Variants in ZNF318 observed in about 807,000 individuals in gnomAD.
The protein encoded by ZNF318 is zinc finger protein 318.
A neutral mutation model predicts 124.2 loss-of-function variants in ZNF318; 51 were observed. That is an observed-to-expected ratio of 0.41 (90% CI 0.33 to 0.52). ZNF318 has a LOEUF of 0.52. Among genes scored for constraint, ZNF318 ranks in the 20% least tolerant of loss-of-function variants. The probability of loss-of-function intolerance (pLI) is 0.23; values close to 1 mark genes in which losing one functional copy is unlikely to be tolerated. For missense variants in ZNF318, 2,815 were observed against 2,811.2 expected, an observed-to-expected ratio of 1.00 and a Z score of -0.03; for synonymous variants, 1,090 against 1,040.7, an observed-to-expected ratio of 1.05 and a Z score of -0.91.
rs1222882219 is a variant in ZNF318 at position 43,357,550 on chromosome 6, T to A, written c.764A>T (p.Glu255Val). Residue 255 changes from glutamate (E) to valine (V), a missense_variant, in exon 3 of 10, where the codon GAA becomes GTA. Around this residue, in one of 4 missense-constraint regions of ZNF318, gnomAD observed 1,377 missense variants for 1,353.5 expected, o/e 1.02. Coordinates refer to ENST00000361428, the MANE Select transcript of ZNF318 (RefSeq NM_014345.3). ...TCGTATGGAGTAGCCTTTGAGTTTT[T>A]CTCGATTCCGTTCTGTTCCCCGCAA... ...ELLRGTERNR[E>V]KLKGYSIRSE... is the part of the protein sequence containing the mutation. The A allele has an allele frequency of 1.9e-6, 3 of 1,614,170 alleles. No individual in the cohort carries two copies. The South Asian group carries it at 3.3e-5, about 18-fold the overall frequency.
intron 6 of ZNF318, 39 bp downstream of exon 6, chr6:43,348,285 A>G (rs3734683): frequency 0.097 from 151,010 of 1,552,234 alleles, 7,966 homozygotes; most frequent in Admixed American, 0.18. Context: ...AGTCTAAGGG[A>G]AAAAAAAGAT....
rs1439686790 is a variant in ZNF318, at chr6:43,354,685, G to T, written c.2649C>A (p.Asn883Lys). 6.2e-7 allele frequency: 1 copy of T among 1,609,524 alleles called. No homozygotes were observed. Residue 883 changes from asparagine to lysine, a missense_variant, in exon 4 of 10, where the codon AAC (asparagine) becomes AAA (lysine). Coordinates refer to ENST00000361428, the MANE Select transcript of ZNF318 (RefSeq NM_014345.3). ...YNPEKISDEK[N>K]RASQKQKVIE... is the part of the protein sequence containing the mutation. ...TCACCTTTTGCTTCTGGGAAGCACG[G>T]TTCTTCTCATCAGAGATCTTCTCTG...
chr6:43,340,602 G>A, intron 9 of ZNF318, 100 bp from the exon 10 acceptor site: 1 of 1,493,584 alleles, frequency 6.7e-7, no homozygotes, highest in East Asian at 2.4e-5. Flanking sequence ...GAAATCCCCA[G>A]AATTATCTTC....
In ZNF318 at chr6:43,369,287, G is replaced by C; in HGVS notation, c.79C>G (p.Arg27Gly). The change falls in exon 1 of 10, where the codon CGC (arginine) becomes GGC (glycine). Residue 27 changes from arginine to glycine, a missense_variant. Coordinates refer to ENST00000361428, the MANE Select transcript of ZNF318 (RefSeq NM_014345.3). Reference sequence around the variant, plus strand: ...GGGCCTGAGGAGGAGCCAGAGCTGCGGCCGCTGCGCGGGCCGCCCCCGCCG... The same window carrying C: ...GGGCCTGAGGAGGAGCCAGAGCTGCCGCCGCTGCGCGGGCCGCCCCCGCCG... ...DDGGGGPRSG[R>G]SSGSSSGPAR... 7.5e-7 allele frequency: 1 copy of C among 1,336,056 alleles called. No homozygotes were observed. The highest frequency in any genetic ancestry group is 9.6e-7 in the Non-Finnish European group (1 of 1,038,102). The allele number at this position is 1,336,056 out of a possible 1,614,324, so 82.8% of individuals were successfully genotyped here.
intron 2 of ZNF318, among the ~76,000 whole-genome samples, chr6:43,357,988 G>C (rs1248550809): frequency 1.3e-5 from 2 of 152,076 alleles, no homozygotes; most frequent in African/African-American, 2.4e-5. Flanking sequence ...AGATCTCTTG[G>C]GTAATTTCTC....
rs143146213 is a variant in ZNF318, at chr6:43,340,099, A to T, written c.3899T>A (p.Ile1300Asn). The change falls in exon 10 of 10, where the codon ATT becomes AAT. Residue 1300 changes from isoleucine to asparagine, a missense_variant. Transcript: ENST00000361428. ...CTCTTTGTCCTTACTACTTTCTAGA[A>T]TCTCTTCTTTAGAGATACTTGGGGT... ...LVTPSISKEE[I>N]LESSKDKEDG... The T allele has an allele frequency of 1.6e-5, 26 of 1,614,042 alleles. No individual in the cohort carries two copies. Among genetic ancestry groups the T allele is most frequent in the Non-Finnish European group, 2.2e-5 (26 of 1,180,026 alleles).
In ZNF318 at chr6:43,337,983, G is replaced by C; in HGVS notation, c.6015C>G (p.Asp2005Glu). 3 of 1,614,156 alleles carry C rather than the reference G, an allele frequency of 1.9e-6. No homozygotes were observed. The highest frequency in any genetic ancestry group is 2.5e-6 in the Non-Finnish European group (3 of 1,180,022). Reference protein sequence around the residue: ...SKALEDFEATDLKVEELTALG... With the variant: ...SKALEDFEATELKVEELTALG... ...GGGCAGTAAGCTCCTCTACCTTTAA[G>C]TCTGTAGCTTCAAAGTCTTCTAGGG... The change falls in exon 10 of 10, where the codon GAC becomes GAG. Residue 2005 changes from aspartate (D) to glutamate (E), a missense_variant. Around this residue, in one of 4 missense-constraint regions of ZNF318, gnomAD observed 927 missense variants for 820.6 expected, o/e 1.13. Transcript: ENST00000361428.
intron 6 of ZNF318, among the ~76,000 whole-genome samples, chr6:43,347,763 A>G (rs1779466346): frequency 6.6e-6 from 1 of 152,188 alleles, no homozygotes; most frequent in Non-Finnish European, 1.5e-5. Flanking sequence ...CCTAGGAAGA[A>G]AGAGCAAATT....
rs1399395311 is a variant in ZNF318, at chr6:43,357,492, G to A, written c.822C>T (p.Pro274=). ...SEERSREAKR[P]RYDDTVKINS... is the part of the protein sequence containing the mutation. ...TTATCTTCACTGTGTCATCATAACG[G>A]GGTCTTTTGGCCTCCCGGCTCCTTT... The change falls in exon 3 of 10, where the codon CCC becomes CCT. Residue 274 remains proline (P), a synonymous_variant. Transcript: ENST00000361428. 6.2e-7 allele frequency: 1 copy of A among 1,614,014 alleles called. No homozygotes were observed. Among genetic ancestry groups the A allele is most frequent in the East Asian group, 2.2e-5 (1 of 44,900 alleles).
intron 5 of ZNF318, among the ~76,000 whole-genome samples, chr6:43,352,145 AATC>A (rs3078977): frequency 0.051 from 5,994 of 116,794 alleles, 275 homozygotes; most frequent in South Asian, 0.063. Flanking sequence ...CTTCGTCTCA[AATC>A]ATCATCATCA....
chr6:43,360,262 G>A (rs1380912877), intron 2 of ZNF318, among the ~76,000 whole-genome samples: 1 of 152,080 alleles, frequency 6.6e-6, no homozygotes, highest in Non-Finnish European at 1.5e-5. Context: ...ACAGAAAAAA[G>A]GCATAAAAAC....
In ZNF318 at chr6:43,337,758, C is replaced by A. The variant is rs1779305985; in HGVS notation, c.6240G>T (p.Val2080=). The A allele has an allele frequency of 6.2e-7, 1 of 1,614,068 alleles. No individual in the cohort carries two copies. ...GFPLDSPKTL[V]LDFETEGERN... ...GTTCACCCTCTGTCTCAAAGTCAAGCACCAAGGTTTTGGGAGAATCTAACG... is the reference window on the plus strand; with the variant it reads ...GTTCACCCTCTGTCTCAAAGTCAAGAACCAAGGTTTTGGGAGAATCTAACG... The change falls in exon 10 of 10, where the codon GTG becomes GTT. Residue 2080 remains valine, a synonymous_variant. Coordinates refer to ENST00000361428, the MANE Select transcript of ZNF318 (RefSeq NM_014345.3).
rs770873102 is a variant in ZNF318, at chr6:43,338,287, AAAC to A, written c.5708_5710del (p.Cys1903del). On this transcript the variant is annotated inframe_deletion, in exon 10 of 10. Transcript: ENST00000361428. ...TCCTTGCTCTTGTGGACTACCTGTT[AAAC>A]ACATAGCTGATCTGGCTGGGGAATG... 3.1e-6 allele frequency: 5 copies of A among 1,614,220 alleles called. No individual in the cohort carries two copies. Among genetic ancestry groups the A allele is most frequent in the Non-Finnish European group, 4.2e-6 (5 of 1,180,032 alleles).
At chr6:43,343,434 A>G (rs191879245) in intron 6 of ZNF318, among the ~76,000 whole-genome samples, 27 of 152,326 alleles carry the variant, frequency 1.8e-4, no homozygotes, top group African/African-American at 6.3e-4. Flanking sequence ...TAGATAAAGT[A>G]GACTATACAA....
chr6:43,350,352 T>C (rs187938374), intron 5 of ZNF318, among the ~76,000 whole-genome samples: 1 of 152,240 alleles, frequency 6.6e-6, no homozygotes, highest in Admixed American at 6.5e-5. Context: ...ATTGGCCAAA[T>C]TTGGAACAAT....
Position 43,339,455 on chromosome 6 carries a change from A to C in ZNF318, c.4543T>G (p.Ser1515Ala). Residue 1515 changes from serine to alanine, a missense_variant, in exon 10 of 10, where the codon TCT (serine) becomes GCT (alanine). Around this residue, in one of 4 missense-constraint regions of ZNF318, gnomAD observed 500 missense variants for 605.2 expected, o/e 0.83. Transcript: ENST00000361428. The surrounding 1 kb of genome is among the most constrained non-coding windows in gnomAD (Gnocchi z 4.2). ...CTCACCCCAGGAGCTGTCTCATCAG[A>C]AGGAATGGCAGCTGGCTGTGCTGAG... ...MASAQPAAIP[S>A]DETAPGVSES... 1 of 1,613,746 alleles carries C rather than the reference A, an allele frequency of 6.2e-7. No individual in the cohort carries two copies. The highest frequency in any genetic ancestry group is 1.7e-5 in the Admixed American group (1 of 59,984).
chr6:43,340,792 T>C lies in ZNF318; in HGVS notation c.3493A>G (p.Lys1165Glu). 6.2e-7 allele frequency: 1 copy of C among 1,611,366 alleles called. No homozygotes were observed. Among genetic ancestry groups the C allele is most frequent in the Non-Finnish European group, 8.5e-7 (1 of 1,177,414 alleles). The change falls in exon 9 of 10, where the codon AAG becomes GAG. Residue 1165 changes from lysine to glutamate, a missense_variant and splice_region_variant. Transcript: ENST00000361428. Reference protein sequence around the residue: ...VKGHQHNEKYKKYVDENPLYE... With the variant: ...VKGHQHNEKYEKYVDENPLYE... ...CACAGCCTACTACAAAGACCAACCT[T>C]GTATTTCTCATTGTGTTGGTGACCC... is the stretch of plus-strand genomic sequence containing the variant.
chr6:43,361,688 T>C (rs767133112), intron 2 of ZNF318, among the ~76,000 whole-genome samples: 7 of 152,240 alleles, frequency 4.6e-5, no homozygotes, highest in Non-Finnish European at 1.0e-4. Context: ...CCAAGTGTTT[T>C]AGAATTTTTC....
At position 43,369,343 on chromosome 6, in the gene ZNF318, G is replaced by T; in HGVS notation, c.23C>A (p.Ser8Tyr). MYRSSAR[S>Y]SVSSHRPKDD... ...TTTAGGCCGGTGGGAAGAGACGGAG[G>T]AGCGAGCGCTGCTGCGGTACATGGT... is the stretch of plus-strand genomic sequence containing the variant. Residue 8 changes from serine (S) to tyrosine (Y), a missense_variant, in exon 1 of 10, where the codon TCC (serine) becomes TAC (tyrosine). Ser to Tyr is a moderately radical substitution (Grantham distance 144). Around this residue, in one of 4 missense-constraint regions of ZNF318, gnomAD observed 1,377 missense variants for 1,353.5 expected, o/e 1.02. Coordinates refer to ENST00000361428, the MANE Select transcript of ZNF318 (RefSeq NM_014345.3). The T allele has an allele frequency of 7.5e-7, 1 of 1,337,352 alleles. No individual in the cohort carries two copies. The highest frequency in any genetic ancestry group is 9.6e-7 in the Non-Finnish European group (1 of 1,036,720). The allele number at this position is 1,337,352 out of a possible 1,614,324, so 82.8% of individuals were successfully genotyped here.
Sources: gnomAD v4.1 joint callset for allele counts (sites outside exome capture counted in the v4.1 genomes callset) on GRCh38, gnomAD v4.1.1 for gene constraint, gnomAD v4.1.1 regional missense constraint, Gnocchi (gnomAD v3.1) non-coding constraint, MANE v1.5 for transcripts, NCBI Gene and HGNC (gene_info 2026-07-23, HGNC 2026-07-21) for gene names.